The following SAMD13 variants were observed in gnomAD, a reference collection of about 807,000 sequenced individuals.
The protein encoded by SAMD13 is sterile alpha motif domain containing 13.
Under a neutral mutation model 12.4 loss-of-function variants are expected in SAMD13, and 9 were observed. The ratio of observed to expected loss-of-function variants is 0.72; its 90% CI spans 0.44 to 1.26. The LOEUF is 1.26. Ranked by LOEUF, SAMD13 falls within the 50% of genes most tolerant of loss-of-function variation. The pLI, the probability that SAMD13 is intolerant of heterozygous loss-of-function variation, is 0.00. For missense variants in SAMD13, 84 were observed against 119.6 expected, an observed-to-expected ratio of 0.70 and a Z score of 1.39; for synonymous variants, 46 against 45.4, an observed-to-expected ratio of 1.01 and a Z score of -0.05.
chr1:84,323,438 T>C (rs1425695081), intron 2 of SAMD13, among the ~76,000 whole-genome samples: 1 of 152,162 alleles, frequency 6.6e-6, no homozygotes, highest in African/African-American at 2.4e-5. Context: ...TGCATATGGG[T>C]ATGTGTGTAT....
At chr1:84,332,110 A>G (rs1679204409) in intron 3 of SAMD13, among the ~76,000 whole-genome samples, 1 of 152,158 alleles carries the variant, frequency 6.6e-6, no homozygotes, top group Non-Finnish European at 1.5e-5. Context: ...TATATGTGCC[A>G]TATTTTCTTT....
chr1:84,301,710 T>C lies in SAMD13; in HGVS notation c.-124T>C, dbSNP rs1373802649. On this transcript the variant is annotated 5_prime_UTR_variant, in exon 1 of 4. Coordinates refer to ENST00000394834, the MANE Select transcript of SAMD13 (RefSeq NM_001134663.2). ...AAATTGTACCTCCTTATTGAATTCC[T>C]TTGCCAGCCTACTTTGTGAAAGAAA... 2 of 985,328 alleles carry C rather than the reference T, an allele frequency of 2.0e-6. No homozygotes were observed. Among genetic ancestry groups the C allele is most frequent in the Non-Finnish European group, 2.4e-6 (2 of 829,924 alleles). 61.0% of individuals were successfully genotyped at this position (985,328 alleles called of 1,614,324 possible). A position where few individuals can be genotyped will look rare whatever the true frequency, so the allele number is the denominator to read the frequency against.
intron 3 of SAMD13, among the ~76,000 whole-genome samples, chr1:84,330,593 G>T (rs980169377): frequency 6.6e-6 from 1 of 152,114 alleles, no homozygotes; most frequent in African/African-American, 2.4e-5. Context: ...GCCAACTGTG[G>T]GCAGTGCTTT....
chr1:84,313,344 A>G (rs1678756481), intron 2 of SAMD13, among the ~76,000 whole-genome samples: 1 of 152,150 alleles, frequency 6.6e-6, no homozygotes, highest in South Asian at 2.1e-4. Context: ...AAACTTTGGT[A>G]CGTGACACAC....
chr1:84,317,839 A>G (rs1678867754), intron 2 of SAMD13, among the ~76,000 whole-genome samples: 1 of 152,162 alleles, frequency 6.6e-6, no homozygotes, highest in East Asian at 1.9e-4. Flanking sequence ...TCTTGTATGG[A>G]AGATTTTATA....
At chr1:84,314,816 A>C (rs1370633281) in intron 2 of SAMD13, among the ~76,000 whole-genome samples, 1 of 152,174 alleles carries the variant, frequency 6.6e-6, no homozygotes, top group Non-Finnish European at 1.5e-5. Context: ...AATGAAAAGA[A>C]AGAAACAAAC....
At chr1:84,314,542 C>A (rs1678788134) in intron 2 of SAMD13, among the ~76,000 whole-genome samples, 1 of 152,082 alleles carries the variant, frequency 6.6e-6, no homozygotes, top group African/African-American at 2.4e-5. Flanking sequence ...GTGATCTCTC[C>A]ATCAGGCCCA....
chr1:84,299,517 T>A, upstream of SAMD13: 1 of 1,104,434 alleles, frequency 9.1e-7, no homozygotes, highest in Non-Finnish European at 1.2e-6. Flanking sequence ...CCCACATACG[T>A]ACCACACCCA....
chr1:84,314,265 T>G (rs1054230004), intron 2 of SAMD13, among the ~76,000 whole-genome samples: 6 of 152,096 alleles, frequency 3.9e-5, no homozygotes, highest in African/African-American at 1.4e-4. Context: ...CTCCATCTCC[T>G]TGGGAAGCAG....
chr1:84,349,676 T>G lies in SAMD13; in HGVS notation c.211T>G (p.Leu71Val). Residue 71 changes from leucine (L) to valine (V), a missense_variant, in exon 4 of 4, where the codon TTG (leucine) becomes GTG (valine). Leu to Val is a conservative substitution (Grantham distance 32). Transcript: ENST00000394834. Reference protein sequence around the residue: ...SLLLMTRNDVLTGLQLKLGPA... With the variant: ...SLLLMTRNDVVTGLQLKLGPA... ...GCTATTGATGACAAGAAATGATGTG[T>G]TGACAGGACTTCAGTTAAAATTGGG... The G allele has an allele frequency of 1.9e-6, 3 of 1,613,958 alleles. No homozygotes were observed. In the South Asian group the frequency reaches 3.3e-5, roughly 18 times the overall value.
chr1:84,342,846 A>C (rs565839882), intron 3 of SAMD13, among the ~76,000 whole-genome samples: 128 of 152,352 alleles, frequency 8.4e-4, no homozygotes, highest in African/African-American at 3.1e-3. Flanking sequence ...AAAAGCAAAA[A>C]TTGACAAATG....
At chr1:84,308,987 C>G (rs1678647077) in intron 2 of SAMD13, among the ~76,000 whole-genome samples, 2 of 152,128 alleles carry the variant, frequency 1.3e-5, no homozygotes, top group Non-Finnish European at 2.9e-5. Flanking sequence ...AAATAAATCT[C>G]TTAATTTCTC....
At chr1:84,302,894 A>AGCTAG (rs2101784505) in intron 1 of SAMD13, 1 of 244,368 alleles carries the variant, frequency 4.1e-6, no homozygotes, top group South Asian at 6.9e-5. Flanking sequence ...CTTAAGTGAG[A>AGCTAG]GCTAGGCACC....
Position 84,311,332 on chromosome 1 carries a change from T to TAA in SAMD13, c.53+8062_53+8063dup, listed in dbSNP as rs757714939. Among the ~76,000 whole-genome samples the TAA allele has an allele frequency of 3.2e-3, 358 of 112,162 alleles. 6 individuals carry two copies. Among genetic ancestry groups the TAA allele is most frequent in the African/African-American group, 0.011 (312 of 29,138 alleles). The allele number at this position is 112,162 out of a possible 152,430, so 73.6% of individuals were successfully genotyped here. On this transcript the variant is annotated intron_variant, in intron 2 of 3. Transcript: ENST00000394834. ...GCCTGGGCAACAGAGTGAGACTGTCTAAAAAAAAAAAAAAAAAAGAAAAGA... is the reference window on the plus strand; with the variant it reads ...GCCTGGGCAACAGAGTGAGACTGTCTAAAAAAAAAAAAAAAAAAAAGAAAAGA...
chr1:84,329,545 G>A (rs2101808035), intron 3 of SAMD13, among the ~76,000 whole-genome samples: 1 of 152,268 alleles, frequency 6.6e-6, no homozygotes, highest in East Asian at 1.9e-4. Flanking sequence ...TTTATCAGAG[G>A]GCAAGATTTG....
chr1:84,336,061 G>A (rs978929323), intron 3 of SAMD13, among the ~76,000 whole-genome samples: 10 of 152,132 alleles, frequency 6.6e-5, no homozygotes, highest in Non-Finnish European at 1.3e-4. Flanking sequence ...CACAAGGGCT[G>A]TCTGCATGTC....
At chr1:84,327,163 A>G (rs183679669) in intron 3 of SAMD13, among the ~76,000 whole-genome samples, 263 of 152,308 alleles carry the variant, frequency 1.7e-3, no homozygotes, top group African/African-American at 5.7e-3. Context: ...CTTTATCACA[A>G]TGGTCAAAAA....
At chr1:84,299,513 T>G (rs900444726), upstream of SAMD13, 14 of 1,024,214 alleles carry the variant, frequency 1.4e-5, no homozygotes, top group Non-Finnish European at 1.9e-5. Flanking sequence ...CACCCCCACA[T>G]ACGTACCACA....
intron 2 of SAMD13, among the ~76,000 whole-genome samples, chr1:84,323,307 T>A (rs541443304): frequency 1.2e-3 from 188 of 152,284 alleles, no homozygotes; most frequent in Non-Finnish European, 1.8e-3. Context: ...TAATTTTTTT[T>A]AAAATTTACT....
Sources: allele counts gnomAD v4.1 joint callset (sites outside exome capture counted in the v4.1 genomes callset), GRCh38; gene constraint gnomAD v4.1.1; transcripts MANE v1.5; gene names NCBI Gene and HGNC (gene_info 2026-07-23, HGNC 2026-07-21).